FOXO1: variants seen among roughly 807,000 people sequenced by gnomAD.
FOXO1 encodes forkhead box protein O1.
FOXO1 carries 6 observed loss-of-function variants against 44.1 expected under a neutral mutation model. The observed-to-expected ratio is 0.14, with a 90% confidence interval of 0.07 to 0.27. FOXO1 has a LOEUF of 0.27. Among genes scored for constraint, FOXO1 ranks in the 10% least tolerant of loss-of-function variants. The pLI is 1.00. For missense variants in FOXO1, 737 were observed against 888.8 expected (o/e 0.83, Z 2.17); for synonymous variants, 380 against 362.7 (o/e 1.05, Z -0.54).
intron 1 of FOXO1, among the ~76,000 whole-genome samples, chr13:40,580,943 A>G (rs1003275229): frequency 5.9e-5 from 9 of 152,236 alleles, no homozygotes; most frequent in Non-Finnish European, 1.3e-4. Context: ...GCCTTCGCCT[A>G]CACACTTAAA....
intron 1 of FOXO1, among the ~76,000 whole-genome samples, chr13:40,635,099 A>G (rs7981045): frequency 0.21 from 31,220 of 152,202 alleles, 3,478 homozygotes; most frequent in Non-Finnish European, 0.27. Context: ...AATCATTTAT[A>G]TAAAAATCTA....
chr13:40,663,656 TAATAG>T (rs1878120309), intron 1 of FOXO1, among the ~76,000 whole-genome samples: 1 of 152,230 alleles, frequency 6.6e-6, no homozygotes, highest in Admixed American at 6.5e-5. Flanking sequence ...TTTTGTGACT[TAATAG>T]AATATATGCT....
intron 1 of FOXO1, among the ~76,000 whole-genome samples, chr13:40,576,467 G>C (rs1238692940): frequency 6.6e-6 from 1 of 152,204 alleles, no homozygotes; most frequent in East Asian, 1.9e-4. Flanking sequence ...ATGTAACTGT[G>C]AGTGGGTGTC....
intron 1 of FOXO1, among the ~76,000 whole-genome samples, chr13:40,645,213 C>A (rs1244200664): frequency 1.3e-5 from 2 of 152,196 alleles, no homozygotes; most frequent in African/African-American, 4.8e-5. Context: ...AAATTTACAT[C>A]TATATATCCA....
At chr13:40,567,553 A>G (rs1244063975) in intron 1 of FOXO1, among the ~76,000 whole-genome samples, 6 of 152,076 alleles carry the variant, frequency 3.9e-5, no homozygotes, top group Non-Finnish European at 8.8e-5. Flanking sequence ...TGCCTTCACC[A>G]CTGTTAAGAA....
intron 1 of FOXO1, among the ~76,000 whole-genome samples, chr13:40,632,549 T>C (rs764744076): frequency 6.7e-6 from 1 of 150,326 alleles, no homozygotes; most frequent in Non-Finnish European, 1.5e-5. Context: ...GAGGCACGAA[T>C]ATCTCTTGAG....
intron 1 of FOXO1, among the ~76,000 whole-genome samples, chr13:40,603,009 C>A (rs763792137): frequency 6.6e-6 from 1 of 152,114 alleles, no homozygotes; most frequent in Non-Finnish European, 1.5e-5. Flanking sequence ...TGCTCATACA[C>A]TCACTCCCTA....
intron 1 of FOXO1, among the ~76,000 whole-genome samples, chr13:40,660,968 ACAACAACAAC>A (rs1421432791): frequency 2.0e-5 from 3 of 151,726 alleles, no homozygotes; most frequent in Non-Finnish European, 2.9e-5. Flanking sequence ...AACAACAACA[ACAACAACAAC>A]AACAACAACA....
intron 1 of FOXO1, among the ~76,000 whole-genome samples, chr13:40,650,094 A>G (rs1216505985): frequency 6.6e-6 from 1 of 152,164 alleles, no homozygotes; most frequent in African/African-American, 2.4e-5. Context: ...TTTTATGGCT[A>G]TTTCTTGATG....
intron 1 of FOXO1, among the ~76,000 whole-genome samples, chr13:40,567,509 G>C (rs774034631): frequency 6.6e-6 from 1 of 152,048 alleles, no homozygotes; most frequent in Non-Finnish European, 1.5e-5. Context: ...GATTCTACCT[G>C]CAACCCCACT....
At chr13:40,639,747 C>T (rs566305279) in intron 1 of FOXO1, among the ~76,000 whole-genome samples, 1 of 152,332 alleles carries the variant, frequency 6.6e-6, no homozygotes, top group South Asian at 2.1e-4. Context: ...TCTTGAATTG[C>T]CAAATGTCAG....
chr13:40,607,384 A>G (rs895249455), intron 1 of FOXO1, among the ~76,000 whole-genome samples: 1 of 152,214 alleles, frequency 6.6e-6, no homozygotes, highest in African/African-American at 2.4e-5. Context: ...AATAAATATA[A>G]GCACCAGAAA....
chr13:40,622,421 G>A (rs1876647029), intron 1 of FOXO1, among the ~76,000 whole-genome samples: 1 of 152,162 alleles, frequency 6.6e-6, no homozygotes, highest in African/African-American at 2.4e-5. Flanking sequence ...TTTCACAACT[G>A]TAGGAAGAGC....
intron 1 of FOXO1, among the ~76,000 whole-genome samples, chr13:40,574,366 A>G (rs1360868132): frequency 6.6e-6 from 1 of 152,216 alleles, no homozygotes; most frequent in Non-Finnish European, 1.5e-5. Context: ...TCTGAGCTGT[A>G]TGATGCCCTG....
chr13:40,618,733 T>A (rs1397959878), intron 1 of FOXO1: 8 of 417,406 alleles, frequency 1.9e-5, no homozygotes, highest in South Asian at 8.0e-5. Context: ...GCCAGGAATC[T>A]CAGGATGAAT....
intron 1 of FOXO1, among the ~76,000 whole-genome samples, chr13:40,606,069 T>C (rs1237397508): frequency 6.6e-6 from 1 of 152,170 alleles, no homozygotes; most frequent in Non-Finnish European, 1.5e-5. Flanking sequence ...TAACAATTTT[T>C]CCAAATGTTA....
chr13:40,590,184 T>A (rs140751574), intron 1 of FOXO1, among the ~76,000 whole-genome samples: 1 of 152,130 alleles, frequency 6.6e-6, no homozygotes, highest in Non-Finnish European at 1.5e-5. Flanking sequence ...TATTCTGGCA[T>A]AGTGACGCAA....
intron 1 of FOXO1, among the ~76,000 whole-genome samples, chr13:40,590,966 A>G (rs370499412): frequency 1.3e-5 from 2 of 152,244 alleles, no homozygotes; most frequent in East Asian, 3.9e-4. Context: ...TTTCTAAGGT[A>G]CTAAAGTATT....
At chr13:40,608,545 C>A in intron 1 of FOXO1, among the ~76,000 whole-genome samples, 1 of 152,226 alleles carries the variant, frequency 6.6e-6, no homozygotes. Context: ...AATGTGTTAT[C>A]CTTCAAGTCA....
Sources: gnomAD v4.1 joint callset for allele counts (sites outside exome capture counted in the v4.1 genomes callset) on GRCh38, gnomAD v4.1.1 for gene constraint, MANE v1.5 for transcripts, NCBI Gene and HGNC (gene_info 2026-07-23, HGNC 2026-07-21) for gene names.